FAM216B: variants seen among roughly 807,000 people sequenced by gnomAD.
The protein encoded by FAM216B is family with sequence similarity 216 member B.
In FAM216B, 11 loss-of-function variants were observed where a neutral mutation model predicts 12.9. The ratio of observed to expected loss-of-function variants is 0.86; its 90% CI spans 0.54 to 1.42. The LOEUF is 1.42. FAM216B is among the 40% of genes most tolerant of loss of function. The pLI is 0.00. For synonymous variants in FAM216B, 52 were observed against 57.2 expected, an observed-to-expected ratio of 0.91 and a Z score of 0.41; for missense variants, 167 against 162.9, an observed-to-expected ratio of 1.02 and a Z score of -0.14.
At chr13:42,781,886 G>A (rs909597134) in intron 1 of FAM216B, among the ~76,000 whole-genome samples, 2 of 152,208 alleles carry the variant, frequency 1.3e-5, no homozygotes, top group East Asian at 3.8e-4. Context: ...GAGGAGAGAA[G>A]AAATCTTTCC....
At position 42,784,036 on chromosome 13, in the gene FAM216B, C is replaced by T. The variant is rs776889822; in HGVS notation, c.-14-18C>T. On this transcript the variant is annotated intron_variant, in intron 1 of 3. Transcript: ENST00000313851. ...GAGCTAAAAGAAATTTTATGCTATG[C>T]TTTGTTGTTTCTTGGAGGTATAGGA... is the stretch of plus-strand genomic sequence containing the variant. 59 of 1,536,332 alleles carry T rather than the reference C, an allele frequency of 3.8e-5. No homozygotes were observed. Among genetic ancestry groups the T allele is most frequent in the Non-Finnish European group, 5.1e-5 (58 of 1,134,452 alleles).
At chr13:42,787,103 T>C (rs1164462400) in intron 3 of FAM216B, among the ~76,000 whole-genome samples, 1 of 152,178 alleles carries the variant, frequency 6.6e-6, no homozygotes. Context: ...CGAGTATGGA[T>C]TGTGATAAAA....
rs928035195 is a variant in FAM216B at position 42,790,535 on chromosome 13, G to C, written c.*1745G>C. On this transcript the variant is annotated 3_prime_UTR_variant, in exon 4 of 4. Transcript: ENST00000313851. Reference sequence around the variant, plus strand: ...ACAAATAGATCTAAGTTGGGCAAAAGATTCTATTTGTTGGTTCTCCCTTCT... The same window carrying C: ...ACAAATAGATCTAAGTTGGGCAAAACATTCTATTTGTTGGTTCTCCCTTCT... The C allele has an allele frequency of 6.6e-6, 1 of 152,126 alleles. No homozygotes were observed. The highest frequency in any genetic ancestry group is 1.9e-4 in the East Asian group (1 of 5,192). The allele number at this position is 152,126 out of a possible 1,614,324, so 9.4% of individuals were successfully genotyped here. A position where few individuals can be genotyped will look rare whatever the true frequency, so the allele number is the denominator to read the frequency against.
intron 1 of FAM216B, 88 bp from the exon 2 acceptor site, chr13:42,783,966 T>A: frequency 1.4e-6 from 1 of 740,720 alleles, no homozygotes; most frequent in Non-Finnish European, 2.2e-6. Context: ...TAAAAATTCA[T>A]TTACTTGCTT....
chr13:42,788,613 C>T lies in FAM216B; in HGVS notation c.243C>T (p.Ala81=), dbSNP rs560498310. ...TAGGCTATATTACTCAACGGGAAGC[C>T]TTGTCTTATGCTCTTGTACTTAGAG... ...QLLGYITQRE[A]LSYALVLRDS... The change falls in exon 4 of 4, where the codon GCC becomes GCT. Residue 81 remains alanine (A), a synonymous_variant. Coordinates refer to ENST00000313851, the MANE Select transcript of FAM216B (RefSeq NM_001318932.2). The T allele has an allele frequency of 2.5e-5, 40 of 1,613,524 alleles. No homozygotes were observed. Among genetic ancestry groups the T allele is most frequent in the South Asian group, 6.6e-5 (6 of 91,010 alleles).
At chr13:42,783,663 C>A (rs1394010086) in intron 1 of FAM216B, among the ~76,000 whole-genome samples, 1 of 151,732 alleles carries the variant, frequency 6.6e-6, no homozygotes, top group Non-Finnish European at 1.5e-5. Flanking sequence ...TAAATTTTTC[C>A]AAATCTTCCA....
rs1484683838 is a variant in FAM216B, at chr13:42,791,181, T to A, written c.*2391T>A. 1 of 152,214 alleles carries A rather than the reference T, an allele frequency of 6.6e-6. No individual in the cohort carries two copies. The highest frequency in any genetic ancestry group is 1.5e-5 in the Non-Finnish European group (1 of 68,032). The allele number at this position is 152,214 out of a possible 1,614,324, so 9.4% of individuals were successfully genotyped here. A position where few individuals can be genotyped will look rare whatever the true frequency, so the allele number is the denominator to read the frequency against. Reference sequence around the variant, plus strand: ...CCCCAAAATATTTTATTGAACTAGGTTCTAAACAATTTCTGAGGTTACTGT... The same window carrying A: ...CCCCAAAATATTTTATTGAACTAGGATCTAAACAATTTCTGAGGTTACTGT... On this transcript the variant is annotated 3_prime_UTR_variant, in exon 4 of 4. Coordinates refer to ENST00000313851, the MANE Select transcript of FAM216B (RefSeq NM_001318932.2).
rs1566065445 is a variant in FAM216B, at chr13:42,789,657, TGTGTGTG to T, written c.*868_*874del. On this transcript the variant is annotated 3_prime_UTR_variant, in exon 4 of 4. Transcript: ENST00000313851. ...GATTTTGTGTGTGTGTGTGTGTGTGTGTGTGTGTGTGTTAAAAATCAGTCACCAGTGC... is the reference window on the plus strand; with the variant it reads ...GATTTTGTGTGTGTGTGTGTGTGTGTTGTGTTAAAAATCAGTCACCAGTGC... 2 of 151,824 alleles carry T rather than the reference TGTGTGTG, an allele frequency of 1.3e-5. No homozygotes were observed. The highest frequency in any genetic ancestry group is 4.8e-5 in the African/African-American group (2 of 41,286). 9.4% of individuals were successfully genotyped at this position (151,824 alleles called of 1,614,324 possible).
chr13:42,784,091 A>G lies in FAM216B; in HGVS notation c.24A>G (p.Gln8=). 2 of 1,607,854 alleles carry G rather than the reference A, an allele frequency of 1.2e-6. No individual in the cohort carries two copies. Among genetic ancestry groups the G allele is most frequent in the African/African-American group, 1.3e-5 (1 of 74,632 alleles). MGQNWKR[Q]QKLWNVPQLP... ...CGATGGGACAAAACTGGAAAAGACA[A>G]CAAAAGCTTTGGAATGTTCCACAAC... The change falls in exon 2 of 4, where the codon CAA becomes CAG. Residue 8 remains glutamine, a synonymous_variant. Transcript: ENST00000313851.
At chr13:42,786,956 G>A (rs1874116915) in intron 3 of FAM216B, 73 bp downstream of exon 3, 1 of 1,586,000 alleles carries the variant, frequency 6.3e-7, no homozygotes, top group Non-Finnish European at 8.6e-7. Context: ...GTCGTTTCCA[G>A]ATAAATAATT....
chr13:42,788,902 A>G lies in FAM216B; in HGVS notation c.*112A>G. 9.3e-7 allele frequency: 1 copy of G among 1,074,566 alleles called. No individual in the cohort carries two copies. The highest frequency in any genetic ancestry group is 1.3e-6 in the Non-Finnish European group (1 of 777,696). The allele number at this position is 1,074,566 out of a possible 1,614,324, so 66.6% of individuals were successfully genotyped here. On this transcript the variant is annotated 3_prime_UTR_variant, in exon 4 of 4. Transcript: ENST00000313851. ...GTGAATAATTTCTAATATAAACCCC[A>G]GACCTAAAAATAATCTCTGATTCAT...
chr13:42,784,536 G>A (rs1220342779), intron 2 of FAM216B, among the ~76,000 whole-genome samples: 1 of 151,488 alleles, frequency 6.6e-6, no homozygotes, highest in Non-Finnish European at 1.5e-5. Flanking sequence ...TTCAGTTCTC[G>A]GCCGGGCGCG....
chr13:42,788,821 T>C lies in FAM216B; in HGVS notation c.*31T>C, dbSNP rs755289081. On this transcript the variant is annotated 3_prime_UTR_variant, in exon 4 of 4. Transcript: ENST00000313851. ...GGCAGCATTTTCAGAAACAGGAAGTTTGCCCATGTATCCCTGGTATCTAGT... is the reference window on the plus strand; with the variant it reads ...GGCAGCATTTTCAGAAACAGGAAGTCTGCCCATGTATCCCTGGTATCTAGT... 1 of 1,589,304 alleles carries C rather than the reference T, an allele frequency of 6.3e-7. No homozygotes were observed. The highest frequency in any genetic ancestry group is 8.6e-7 in the Non-Finnish European group (1 of 1,167,516).
chr13:42,788,363 C>T (rs1874170268), intron 3 of FAM216B, among the ~76,000 whole-genome samples: 1 of 152,046 alleles, frequency 6.6e-6, no homozygotes, highest in African/African-American at 2.4e-5. Flanking sequence ...AGTCCCTTTC[C>T]AAATAATCTG....
chr13:42,788,486 GA>G (rs1874176559), intron 3 of FAM216B, 104 bp from the exon 4 acceptor site: 1 of 880,372 alleles, frequency 1.1e-6, no homozygotes, highest in South Asian at 2.0e-5. Flanking sequence ...CTTACCACAA[GA>G]GTAGAATAAA....
intron 2 of FAM216B, among the ~76,000 whole-genome samples, chr13:42,786,369 G>A (rs1874086471): frequency 1.3e-5 from 2 of 151,974 alleles, no homozygotes; most frequent in Non-Finnish European, 2.9e-5. Context: ...TATCTCCCTT[G>A]CTTACTGAGA....
Position 42,789,577 on chromosome 13 carries a change from A to G in FAM216B, c.*787A>G, listed in dbSNP as rs767662262. ...ATACTAAGCAGTGAGTCAGTTCATC[A>G]TACAAAGGCATAGTATTGCATTAGT... is the stretch of plus-strand genomic sequence containing the variant. On this transcript the variant is annotated 3_prime_UTR_variant, in exon 4 of 4. Coordinates refer to ENST00000313851, the MANE Select transcript of FAM216B (RefSeq NM_001318932.2). 1 of 152,150 alleles carries G rather than the reference A, an allele frequency of 6.6e-6. No individual in the cohort carries two copies. The highest frequency in any genetic ancestry group is 1.9e-4 in the East Asian group (1 of 5,202). 9.4% of individuals were successfully genotyped at this position (152,150 alleles called of 1,614,324 possible).
rs1298645771 is a variant in FAM216B, at chr13:42,781,778, T to C, written c.-15+114T>C. On this transcript the variant is annotated intron_variant, in intron 1 of 3. Transcript: ENST00000313851. Reference sequence around the variant, plus strand: ...TCAAATTTTATCAGGTATAGGCCACTTGAATAGGTAAGATAAATTTATTCA... The same window carrying C: ...TCAAATTTTATCAGGTATAGGCCACCTGAATAGGTAAGATAAATTTATTCA... 6 of 152,200 alleles carry C rather than the reference T, an allele frequency of 3.9e-5. No individual in the cohort carries two copies. In the East Asian group the frequency reaches 7.7e-4, roughly 19 times the overall value. The allele number at this position is 152,200 out of a possible 1,614,324, so 9.4% of individuals were successfully genotyped here.
chr13:42,782,844 C>T (rs1269997837), intron 1 of FAM216B, among the ~76,000 whole-genome samples: 1 of 152,070 alleles, frequency 6.6e-6, no homozygotes, highest in African/African-American at 2.4e-5. Context: ...TAAAATTGCA[C>T]ATCTAAATTG....
Sources: allele counts gnomAD v4.1 joint callset (sites outside exome capture counted in the v4.1 genomes callset), GRCh38; gene constraint gnomAD v4.1.1; transcripts MANE v1.5; gene names NCBI Gene and HGNC (gene_info 2026-07-23, HGNC 2026-07-21).